The following MRC1 variants were observed in gnomAD, a reference collection of about 807,000 sequenced individuals.
MRC1 encodes the protein mannose receptor C-type 1.
Under a neutral mutation model 102.9 loss-of-function variants are expected in MRC1, and 62 were observed. The ratio of observed to expected loss-of-function variants is 0.60; its 90% CI spans 0.49 to 0.74. The LOEUF is 0.74. MRC1 is among the 30% of genes least tolerant of loss of function. MRC1 has a pLI of 0.00. For missense variants in MRC1, 1,237 were observed against 862.8 expected, an observed-to-expected ratio of 1.43 and a Z score of -5.43; for synonymous variants, 457 against 298.4, an observed-to-expected ratio of 1.53 and a Z score of -5.48.
At chr10:17,871,432 C>G (rs953272174) in intron 14 of MRC1, among the ~76,000 whole-genome samples, 1 of 152,158 alleles carries the variant, frequency 6.6e-6, no homozygotes, top group Non-Finnish European at 1.5e-5. Context: ...GGTTATGATT[C>G]CACACTGAAA....
intron 1 of MRC1, 128 bp downstream of exon 1, chr10:17,809,654 C>T (rs1417498382): frequency 5.1e-6 from 4 of 781,192 alleles, no homozygotes; most frequent in Non-Finnish European, 9.4e-6. Context: ...CCCTGCACCA[C>T]GCAGTCCACG....
rs1010500964 is a variant in MRC1 at position 17,822,690 on chromosome 10, T to C, written c.62-384T>C. ...CATTTAATTTTACAGTTTATTGTAT[T>C]CGTATTACCCAAATTTTCTTTTCCC... is the stretch of plus-strand genomic sequence containing the variant. On this transcript the variant is annotated intron_variant, in intron 1 of 29. Transcript: ENST00000569591. Among the ~76,000 whole-genome samples, 19 of 152,362 alleles carry C rather than the reference T, an allele frequency of 1.2e-4. No individual in the cohort carries two copies. The South Asian group carries it at 3.9e-3, about 32-fold the overall frequency.
At chr10:17,907,790 G>A (rs1377256924) in intron 28 of MRC1, 92 bp downstream of exon 28, 10 of 746,342 alleles carry the variant, frequency 1.3e-5, no homozygotes, top group East Asian at 4.9e-5. Context: ...ATGTGATTAC[G>A]AGGCCATTGG....
intron 26 of MRC1, 141 bp downstream of exon 26, chr10:17,902,263 C>G (rs1002872424): frequency 9.7e-6 from 6 of 618,272 alleles, no homozygotes; most frequent in East Asian, 2.7e-5. Flanking sequence ...TGGCCAATAT[C>G]ATGCTTCCCA....
chr10:17,821,096 G>A (rs905086235), intron 1 of MRC1, among the ~76,000 whole-genome samples: 3 of 152,156 alleles, frequency 2.0e-5, no homozygotes, highest in East Asian at 3.8e-4. Flanking sequence ...AGAGGCAGGT[G>A]TCTGGATCCA....
chr10:17,826,086 A>G (rs969546508), intron 2 of MRC1, among the ~76,000 whole-genome samples: 1 of 152,360 alleles, frequency 6.6e-6, no homozygotes. Context: ...TGAGTAAAGG[A>G]AAAAGAAAAG....
chr10:17,909,979 C>G (rs939934125), intron 29 of MRC1, among the ~76,000 whole-genome samples: 1 of 152,112 alleles, frequency 6.6e-6, no homozygotes. Flanking sequence ...CATTGATGAA[C>G]TAGCCCACTG....
In MRC1 at chr10:17,830,040, G is replaced by A. The variant is rs1027833345; in HGVS notation, c.637+2325G>A. Among the ~76,000 whole-genome samples, 748 of 151,408 alleles carry A rather than the reference G, an allele frequency of 4.9e-3. 44 individuals are homozygous for A. The highest frequency in any genetic ancestry group is 0.017 in the African/African-American group (706 of 40,822). On this transcript the variant is annotated intron_variant, in intron 3 of 29. Coordinates refer to ENST00000569591, the MANE Select transcript of MRC1 (RefSeq NM_002438.4). The stretch of plus-strand genomic sequence containing the variant: ...AATATGCATTAAAATTTTAAATCAC[G>A]TTTTGTACATTTAATATCTTTCTTA...
intron 5 of MRC1, chr10:17,845,048 A>G (rs1554840114): frequency 5.3e-6 from 4 of 753,584 alleles, no homozygotes; most frequent in Non-Finnish European, 1.0e-5. Context: ...GGTTGTTTCA[A>G]AGAAGTATAT....
intron 22 of MRC1, among the ~76,000 whole-genome samples, chr10:17,887,233 CA>C (rs1286794135): frequency 5.9e-5 from 9 of 151,702 alleles, no homozygotes; most frequent in African/African-American, 2.2e-4. Flanking sequence ...ACTAAAAATA[CA>C]AAAAAAATTA....
At chr10:17,838,847 A>C (rs2130622356) in intron 4 of MRC1, among the ~76,000 whole-genome samples, 1 of 152,312 alleles carries the variant, frequency 6.6e-6, no homozygotes, top group African/African-American at 2.4e-5. Flanking sequence ...GTCTGGAAAC[A>C]AAACAAACAA....
intron 20 of MRC1, 101 bp from the exon 21 acceptor site, chr10:17,880,966 A>G (rs1192472822): frequency 4.0e-6 from 3 of 757,840 alleles, no homozygotes; most frequent in East Asian, 2.4e-5. Context: ...TGATTTAGCT[A>G]TAATCTTCAT....
intron 9 of MRC1, among the ~76,000 whole-genome samples, chr10:17,860,584 G>A (rs1364160714): frequency 6.6e-6 from 1 of 152,116 alleles, no homozygotes; most frequent in Non-Finnish European, 1.5e-5. Context: ...GGCCATTTCT[G>A]TGTATTTGGA....
At chr10:17,855,434 G>A (rs1372916707) in intron 8 of MRC1, among the ~76,000 whole-genome samples, 1 of 151,920 alleles carries the variant, frequency 6.6e-6, no homozygotes, top group Non-Finnish European at 1.5e-5. Context: ...AGCAGGGCGT[G>A]GTGGCAGGCG....
intron 4 of MRC1, among the ~76,000 whole-genome samples, chr10:17,834,560 T>C (rs1838634152): frequency 6.6e-6 from 1 of 151,932 alleles, no homozygotes; most frequent in South Asian, 2.1e-4. Flanking sequence ...TTACAGGTGC[T>C]TGCCACCATG....
rs914837062 is a variant in MRC1, at chr10:17,823,335, T to G, written c.323T>G (p.Leu108Trp). 1.3e-4 allele frequency: 100 copies of G among 780,706 alleles called. No individual in the cohort carries two copies. Among genetic ancestry groups the G allele is most frequent in the Non-Finnish European group, 2.0e-4 (85 of 417,970 alleles). The allele number at this position is 780,706 out of a possible 1,614,324, so 48.4% of individuals were successfully genotyped here. Reference sequence around the variant, plus strand: ...TGGGAGTGCAAAAATGACACACTTTTGGGGATCAAAGGAGAAGATTTATTT... The same window carrying G: ...TGGGAGTGCAAAAATGACACACTTTGGGGGATCAAAGGAGAAGATTTATTT... ...QKWECKNDTL[L>W]GIKGEDLFFN... is the part of the protein sequence containing the mutation. The change falls in exon 2 of 30, where the codon TTG (leucine) becomes TGG (tryptophan). Residue 108 changes from leucine (L) to tryptophan (W), a missense_variant. Transcript: ENST00000569591.
At chr10:17,822,482 A>G (rs1418410046) in intron 1 of MRC1, among the ~76,000 whole-genome samples, 1 of 152,138 alleles carries the variant, frequency 6.6e-6, no homozygotes, top group Non-Finnish European at 1.5e-5. Context: ...TGAGTTGGTT[A>G]TGGTGGTACA....
chr10:17,872,396 G>A (rs1814499657), intron 15 of MRC1, among the ~76,000 whole-genome samples: 1 of 152,150 alleles, frequency 6.6e-6, no homozygotes, highest in African/African-American at 2.4e-5. Context: ...CCTGGCCCAG[G>A]TTCCATAGCA....
intron 28 of MRC1, among the ~76,000 whole-genome samples, chr10:17,908,566 T>G (rs691436): frequency 0.91 from 137,678 of 151,838 alleles, 62,474 homozygotes; most frequent in Non-Finnish European, 0.92. Context: ...TGTTTTATTT[T>G]TTTTGTTTTG....
Sources: allele counts gnomAD v4.1 joint callset (sites outside exome capture counted in the v4.1 genomes callset), GRCh38; gene constraint gnomAD v4.1.1; transcripts MANE v1.5; gene names NCBI Gene and HGNC (gene_info 2026-07-23, HGNC 2026-07-21).